CPXM2: variants seen among roughly 807,000 people sequenced by gnomAD.
CPXM2 encodes the protein inactive carboxypeptidase-like protein X2.
In CPXM2, 66 loss-of-function variants were observed where a neutral mutation model predicts 86.1. The observed-to-expected ratio is 0.77, with a 90% CI of 0.63 to 0.94. The LOEUF is 0.94. CPXM2 is among the 40% of genes least tolerant of loss of function. The pLI is 0.00. For synonymous variants in CPXM2, 388 were observed against 400.2 expected (o/e 0.97, Z 0.36); for missense variants, 948 against 1,026.3 (o/e 0.92, Z 1.04).
At chr10:123,800,643 G>C (rs1847436919) in intron 4 of CPXM2, among the ~76,000 whole-genome samples, 1 of 152,018 alleles carries the variant, frequency 6.6e-6, no homozygotes, top group African/African-American at 2.4e-5. Flanking sequence ...GAGAGGTGAT[G>C]AATGTAGGAA....
chr10:123,817,867 G>T (rs1483979592), intron 4 of CPXM2, among the ~76,000 whole-genome samples: 1 of 152,186 alleles, frequency 6.6e-6, no homozygotes, highest in Non-Finnish European at 1.5e-5. Flanking sequence ...CATCCCTGAA[G>T]GACAGCACTG....
intron 4 of CPXM2, among the ~76,000 whole-genome samples, chr10:123,829,472 CA>C (rs1215600173): frequency 1.3e-5 from 2 of 151,022 alleles, no homozygotes; most frequent in Non-Finnish European, 2.9e-5. Context: ...CCCAAACAAA[CA>C]ACAACAACAA....
Position 123,746,855 on chromosome 10 carries a change from C to A in CPXM2, c.2180G>T (p.Arg727Leu). ...CTTCCCAAACTTCTCCATGATCTCT[C>A]GGATCCTGGCCATGTTGGTTTTGCT... Reference protein sequence around the residue: ...TLSKTNMARIREIMEKFGKQP... With the variant: ...TLSKTNMARILEIMEKFGKQP... Residue 727 changes from arginine (R) to leucine (L), a missense_variant, in exon 14 of 14, where the codon CGA becomes CTA. By Grantham distance (102) the Arg-to-Leu change is moderately radical (BLOSUM62 -2). Transcript: ENST00000241305. The A allele has an allele frequency of 6.2e-7, 1 of 1,614,182 alleles. No homozygotes were observed. Among genetic ancestry groups the A allele is most frequent in the Non-Finnish European group, 8.5e-7 (1 of 1,180,028 alleles).
chr10:123,835,101 A>T (rs1335049184), intron 4 of CPXM2, among the ~76,000 whole-genome samples: 3 of 152,124 alleles, frequency 2.0e-5, no homozygotes, highest in African/African-American at 7.2e-5. Flanking sequence ...CTATAGCAAC[A>T]CCAATGGACT....
At chr10:123,939,736 C>T (rs1457810913) in intron 1 of CPXM2, among the ~76,000 whole-genome samples, 4 of 152,118 alleles carry the variant, frequency 2.6e-5, no homozygotes. Context: ...GACAGGTAGA[C>T]GCATGCTAAG....
intron 2 of CPXM2, among the ~76,000 whole-genome samples, chr10:123,930,196 G>A (rs1206184907): frequency 1.1e-5 from 1 of 87,588 alleles, no homozygotes; most frequent in Non-Finnish European, 2.0e-5. Flanking sequence ...ATTCATGCCT[G>A]AGTACACGTG....
upstream of CPXM2, chr10:123,891,820 G>A: frequency 4.5e-6 from 1 of 222,050 alleles, no homozygotes. The surrounding 1 kb of genome is among the most constrained non-coding windows in gnomAD (Gnocchi z 5.6). Flanking sequence ...CCGGCCCGCG[G>A]GGCTGGGCTG....
At chr10:123,822,724 A>AAATAATAATAATAATAAT (rs10603506) in intron 4 of CPXM2, among the ~76,000 whole-genome samples, 1 of 149,930 alleles carries the variant, frequency 6.7e-6, no homozygotes, top group African/African-American at 2.5e-5. Context: ...ATGGACCTGA[A>AAATAATAATAATAATAAT]AATAATAATA....
intron 11 of CPXM2, among the ~76,000 whole-genome samples, chr10:123,757,990 C>A (rs545189633): frequency 6.6e-6 from 1 of 152,246 alleles, no homozygotes; most frequent in Admixed American, 6.5e-5. Flanking sequence ...CTGGAAAGGG[C>A]CAGAGTCAGG....
rs183495622 is a variant in CPXM2 at position 123,842,608 on chromosome 10, T to G, written c.514-120A>C. The G allele has an allele frequency of 1.6e-4, 157 of 1,002,004 alleles. 1 individual carries two copies. In the African/African-American group the frequency reaches 2.4e-3, roughly 15 times the overall value. The allele number at this position is 1,002,004 out of a possible 1,614,324, so 62.1% of individuals were successfully genotyped here. A position where few individuals can be genotyped will look rare whatever the true frequency, so the allele number is the denominator to read the frequency against. ...ATAGGAGAAGAAAATGAGGAAGGTG[T>G]TAAAGAAAAAAATAATTGTGCCCTG... On this transcript the variant is annotated intron_variant, in intron 3 of 13. Transcript: ENST00000241305.
chr10:123,872,590 A>G (rs1219973243), intron 2 of CPXM2, among the ~76,000 whole-genome samples: 2 of 152,184 alleles, frequency 1.3e-5, no homozygotes, highest in Non-Finnish European at 2.9e-5. Flanking sequence ...TAAAAGACAA[A>G]AGGCTGCTAG....
chr10:123,791,160 T>A (rs1431556773), intron 6 of CPXM2, among the ~76,000 whole-genome samples: 1 of 152,112 alleles, frequency 6.6e-6, no homozygotes, highest in African/African-American at 2.4e-5. Flanking sequence ...ACACCTGTAA[T>A]CCCAGCACTT....
At chr10:123,907,685 G>GC (rs887938945) in intron 2 of CPXM2, among the ~76,000 whole-genome samples, 8 of 128,190 alleles carry the variant, frequency 6.2e-5, no homozygotes, top group Non-Finnish European at 1.1e-4. Context: ...AAACATAGAT[G>GC]CCCCCCCTCC....
intron 12 of CPXM2, 95 bp downstream of exon 12, chr10:123,757,118 T>G (rs1589964398): frequency 8.5e-7 from 1 of 1,175,862 alleles, no homozygotes. Flanking sequence ...ACGGCCAAGG[T>G]CTGAAGCTCT....
chr10:123,778,177 T>C (rs1846845893), intron 7 of CPXM2, among the ~76,000 whole-genome samples: 3 of 152,218 alleles, frequency 2.0e-5, no homozygotes, highest in Admixed American at 1.3e-4. Context: ...CTATTTTCAC[T>C]TCTTGCTTCC....
chr10:123,853,428 TC>T (rs1848643928), intron 3 of CPXM2, among the ~76,000 whole-genome samples: 1 of 152,224 alleles, frequency 6.6e-6, no homozygotes, highest in Admixed American at 6.5e-5. Context: ...TTAGGCATCC[TC>T]AGCACCTAGA....
intron 4 of CPXM2, among the ~76,000 whole-genome samples, chr10:123,808,049 T>C (rs994985808): frequency 2.6e-5 from 4 of 152,138 alleles, no homozygotes; most frequent in Admixed American, 1.3e-4. Context: ...TAAAAAATTT[T>C]AAAACAAAAC....
intron 1 of CPXM2, among the ~76,000 whole-genome samples, chr10:123,882,463 G>A (rs1945108724): frequency 6.6e-6 from 1 of 152,158 alleles, no homozygotes; most frequent in Non-Finnish European, 1.5e-5. Context: ...AGGCCTTAGT[G>A]GCTCCACAAA....
chr10:123,835,633 A>T (rs1485621406), intron 4 of CPXM2, among the ~76,000 whole-genome samples: 1 of 152,218 alleles, frequency 6.6e-6, no homozygotes, highest in Non-Finnish European at 1.5e-5. Flanking sequence ...CAAACATTTC[A>T]TTTCACCCTT....
Sources: allele counts gnomAD v4.1 joint callset (sites outside exome capture counted in the v4.1 genomes callset), GRCh38; gene constraint gnomAD v4.1.1; non-coding constraint Gnocchi (gnomAD v3.1); transcripts MANE v1.5; gene names NCBI Gene and HGNC (gene_info 2026-07-23, HGNC 2026-07-21).